The following OSBPL11 variants were observed in gnomAD, a reference collection of about 807,000 sequenced individuals.
OSBPL11 encodes oxysterol-binding protein-related protein 11.
In OSBPL11, 33 loss-of-function variants were observed where a neutral mutation model predicts 84.4. That is an observed-to-expected ratio of 0.39 (90% CI 0.30 to 0.52). The LOEUF is 0.52. OSBPL11 is among the 20% of genes least tolerant of loss of function. The probability of loss-of-function intolerance (pLI) is 0.72; values close to 1 mark genes in which losing one functional copy is unlikely to be tolerated. For missense variants in OSBPL11, 736 were observed against 901.1 expected, an observed-to-expected ratio of 0.82 and a Z score of 2.35; for synonymous variants, 276 against 310.2, an observed-to-expected ratio of 0.89 and a Z score of 1.16.
chr3:125,578,889 T>A (rs1180312925), intron 4 of OSBPL11, 71 bp downstream of exon 4: 2 of 1,003,132 alleles, frequency 2.0e-6, no homozygotes, highest in Non-Finnish European at 2.9e-6. Flanking sequence ...TATCTCAATT[T>A]TAAAAGGCAA....
chr3:125,545,226 A>G (rs2107591629), intron 10 of OSBPL11, among the ~76,000 whole-genome samples: 1 of 152,338 alleles, frequency 6.6e-6, no homozygotes, highest in South Asian at 2.1e-4. Context: ...ACATGCAACA[A>G]ATCCCTTTAG....
At chr3:125,531,737 T>C in intron 12 of OSBPL11, 124 bp downstream of exon 12, 1 of 951,810 alleles carries the variant, frequency 1.1e-6, no homozygotes, top group Admixed American at 2.9e-5. Context: ...AGTTGGTATT[T>C]ATATACAGCC....
rs952236080 is a variant in OSBPL11 at position 125,567,592 on chromosome 3, T to C, written c.670A>G (p.Met224Val). 4 of 1,613,244 alleles carry C rather than the reference T, an allele frequency of 2.5e-6. No homozygotes were observed. The African/African-American group carries it at 4.0e-5, about 16-fold the overall frequency. The change falls in exon 6 of 13, where the codon ATG becomes GTG. Residue 224 changes from methionine to valine, a missense_variant. By Grantham distance (21) the Met-to-Val change is conservative. Around this residue, in one of 3 missense-constraint regions of OSBPL11, gnomAD observed 579 missense variants for 717.6 expected, o/e 0.81. Transcript: ENST00000296220. ...PDHLVEVREM[M>V]SHAEGQQRDL... Reference sequence around the variant, plus strand: ...CTTTGTTGTCCTTCAGCATGAGACATCATCTAAGGAAAAAACAGTTCTGTG... The same window carrying C: ...CTTTGTTGTCCTTCAGCATGAGACACCATCTAAGGAAAAAACAGTTCTGTG...
At chr3:125,539,346 A>T (rs931284860) in intron 10 of OSBPL11, among the ~76,000 whole-genome samples, 1 of 115,040 alleles carries the variant, frequency 8.7e-6, no homozygotes, top group Non-Finnish European at 1.8e-5. Context: ...TATATATATA[A>T]TAGCTATATA....
chr3:125,553,299 T>C (rs1935941119), intron 8 of OSBPL11, among the ~76,000 whole-genome samples: 1 of 152,174 alleles, frequency 6.6e-6, no homozygotes, highest in African/African-American at 2.4e-5. Flanking sequence ...CTTTCCTATG[T>C]TAAAATTAAA....
At chr3:125,583,488 G>A (rs1228430642) in intron 1 of OSBPL11, among the ~76,000 whole-genome samples, 2 of 149,126 alleles carry the variant, frequency 1.3e-5, no homozygotes, top group Non-Finnish European at 3.0e-5. Context: ...GGCTGAGGCA[G>A]GAGAATCACT....
chr3:125,557,784 C>T lies in OSBPL11; in HGVS notation c.1155+2595G>A, dbSNP rs1387916935. On this transcript the variant is annotated intron_variant, in intron 8 of 12. Coordinates refer to ENST00000296220, the MANE Select transcript of OSBPL11 (RefSeq NM_022776.5). ...TAATGTAATATATGTGTAACACATA[C>T]AACTTTCTTTTTTTTTTTTTTTTTT... is the stretch of plus-strand genomic sequence containing the variant. 7.8e-5 allele frequency among the ~76,000 whole-genome samples: 11 copies of T among 141,688 alleles called. No individual in the cohort carries two copies. The South Asian group carries it at 2.0e-3, about 26-fold the overall frequency. The allele number at this position is 141,688 out of a possible 152,430, so 93.0% of individuals were successfully genotyped here. A position where few individuals can be genotyped will look rare whatever the true frequency, so the allele number is the denominator to read the frequency against.
intron 5 of OSBPL11, among the ~76,000 whole-genome samples, chr3:125,572,768 G>A (rs1319659054): frequency 6.8e-6 from 1 of 147,786 alleles, no homozygotes. Flanking sequence ...CCCAGTCTCG[G>A]GTATGTCTTT....
chr3:125,578,941 T>C lies in OSBPL11; in HGVS notation c.489+19A>G. ...CTTCCTCATTTTTGTATATTAATAT[T>C]GTATATAAATCTACATACCTTTCCA... is the stretch of plus-strand genomic sequence containing the variant. On this transcript the variant is annotated intron_variant, in intron 4 of 12. Coordinates refer to ENST00000296220, the MANE Select transcript of OSBPL11 (RefSeq NM_022776.5). 2 of 1,413,984 alleles carry C rather than the reference T, an allele frequency of 1.4e-6. No individual in the cohort carries two copies. Among genetic ancestry groups the C allele is most frequent in the Non-Finnish European group, 1.9e-6 (2 of 1,041,292 alleles). The allele number at this position is 1,413,984 out of a possible 1,614,324, so 87.6% of individuals were successfully genotyped here. A position where few individuals can be genotyped will look rare whatever the true frequency, so the allele number is the denominator to read the frequency against.
At chr3:125,565,893 C>T (rs958328629) in intron 6 of OSBPL11, among the ~76,000 whole-genome samples, 9 of 152,184 alleles carry the variant, frequency 5.9e-5, no homozygotes, top group African/African-American at 2.2e-4. Flanking sequence ...CTACCTCTCA[C>T]TCCTAAACTA....
At chr3:125,587,273 GA>G (rs1467566766) in intron 1 of OSBPL11, among the ~76,000 whole-genome samples, 1 of 152,186 alleles carries the variant, frequency 6.6e-6, no homozygotes, top group East Asian at 1.9e-4. Flanking sequence ...TTTCCAGCTG[GA>G]ACAACTGGGT....
At chr3:125,586,688 T>C (rs1270179899) in intron 1 of OSBPL11, among the ~76,000 whole-genome samples, 1 of 152,054 alleles carries the variant, frequency 6.6e-6, no homozygotes, top group Non-Finnish European at 1.5e-5. Flanking sequence ...GGCTACTTTT[T>C]CTATTTGTAG....
chr3:125,586,954 A>G (rs1242493037), intron 1 of OSBPL11, among the ~76,000 whole-genome samples: 1 of 152,226 alleles, frequency 6.6e-6, no homozygotes, highest in Non-Finnish European at 1.5e-5. Context: ...CACTCTGAAA[A>G]ACCATTGAAA....
intron 6 of OSBPL11, among the ~76,000 whole-genome samples, chr3:125,565,543 CA>C (rs1327093502): frequency 2.0e-5 from 3 of 152,048 alleles, no homozygotes; most frequent in Admixed American, 1.3e-4. Context: ...CCAATAACAA[CA>C]GGGCAAAAGA....
At chr3:125,539,452 T>C (rs1935694631) in intron 10 of OSBPL11, among the ~76,000 whole-genome samples, 1 of 151,434 alleles carries the variant, frequency 6.6e-6, no homozygotes, top group African/African-American at 2.4e-5. Context: ...GTTATTATTG[T>C]TATTTTTGAG....
chr3:125,543,058 G>C (rs1359530823), intron 10 of OSBPL11, among the ~76,000 whole-genome samples: 1 of 151,922 alleles, frequency 6.6e-6, no homozygotes, highest in Non-Finnish European at 1.5e-5. Flanking sequence ...GTTCTGTTGA[G>C]GGTCTTAAAG....
intron 11 of OSBPL11, among the ~76,000 whole-genome samples, chr3:125,536,056 G>A (rs1266931092): frequency 2.7e-5 from 4 of 150,526 alleles, no homozygotes; most frequent in Admixed American, 2.7e-4. Flanking sequence ...AATCGCTTGA[G>A]CCCAGGAGGC....
intron 10 of OSBPL11, among the ~76,000 whole-genome samples, chr3:125,541,590 T>G (rs191672700): frequency 1.3e-5 from 2 of 152,332 alleles, no homozygotes; most frequent in Admixed American, 6.5e-5. Context: ...TGTATTATTT[T>G]TTTTGGAGAC....
rs546922463 is a variant in OSBPL11 at position 125,532,587 on chromosome 3, A to C, written c.2025-573T>G. ...TTAACAAATCTCAAGCAAAAAAAAA[A>C]AAAAACAAAAAAAAACTGCCACAAC... On this transcript the variant is annotated intron_variant, in intron 11 of 12. Coordinates refer to ENST00000296220, the MANE Select transcript of OSBPL11 (RefSeq NM_022776.5). 7.2e-3 allele frequency among the ~76,000 whole-genome samples: 1,078 copies of C among 150,602 alleles called. 13 individuals are homozygous for C. Among genetic ancestry groups the C allele is most frequent in the Middle Eastern group, 0.024 (7 of 292 alleles).
Sources: allele counts gnomAD v4.1 joint callset (sites outside exome capture counted in the v4.1 genomes callset), GRCh38; gene constraint gnomAD v4.1.1; regional missense constraint gnomAD v4.1.1; transcripts MANE v1.5; gene names NCBI Gene and HGNC (gene_info 2026-07-23, HGNC 2026-07-21).